DEFB114: variants seen among roughly 807,000 people sequenced by gnomAD.
DEFB114 encodes the protein defensin beta 114, also known as beta-defensin 114.
In DEFB114, 4 loss-of-function variants were observed where a neutral mutation model predicts 2.4. The ratio of observed to expected loss-of-function variants is 1.67; its 90% CI spans 0.82 to 3.82. The LOEUF (loss-of-function observed/expected upper bound fraction) is 3.82, where lower values mean the gene tolerates loss of function less well. DEFB114 is among the 30% of genes most tolerant of loss of function. The pLI is 0.01. For synonymous variants in DEFB114, 35 were observed against 24.6 expected (o/e 1.42, Z -1.26); for missense variants, 113 against 85.8 (o/e 1.32, Z -1.25).
At chr6:49,962,060 T>C (rs1452670426) in intron 1 of DEFB114, among the ~76,000 whole-genome samples, 1 of 150,488 alleles carries the variant, frequency 6.6e-6, no homozygotes, top group Non-Finnish European at 1.5e-5. Context: ...AATACTTTTG[T>C]ACTTGACTCT....
At chr6:49,961,239 A>G (rs1448900842) in intron 1 of DEFB114, among the ~76,000 whole-genome samples, 2 of 150,802 alleles carry the variant, frequency 1.3e-5, no homozygotes, top group Non-Finnish European at 3.0e-5. Context: ...GCAGAAATGT[A>G]CAAAAATAAT....
rs1202230630 is a variant in DEFB114 at position 49,961,855 on chromosome 6, A to G, written c.56-1409T>C. 8.0e-5 allele frequency among the ~76,000 whole-genome samples: 12 copies of G among 150,750 alleles called. 1 individual carries two copies. The highest frequency in any genetic ancestry group is 1.8e-4 in the Non-Finnish European group (12 of 67,086). On this transcript the variant is annotated intron_variant, in intron 1 of 1. Coordinates refer to ENST00000322066, the MANE Select transcript of DEFB114 (RefSeq NM_001037499.2). ...TTAAGCCTGCTCATTTTAAAGCTTT[A>G]TGTGAATGCAACAGTACAGCACATA...
chr6:49,963,941 T>C (rs773585958), intron 1 of DEFB114, 110 bp downstream of exon 1: 318 of 781,398 alleles, frequency 4.1e-4, no homozygotes, highest in Non-Finnish European at 5.9e-4. Context: ...TAAAGACACT[T>C]ATTTAATTGA....
At chr6:49,960,720 A>G (rs1773444626) in intron 1 of DEFB114, among the ~76,000 whole-genome samples, 1 of 150,844 alleles carries the variant, frequency 6.6e-6, no homozygotes, top group South Asian at 2.1e-4. Flanking sequence ...TCAAAAAAAA[A>G]TTCAAGATAT....
At chr6:49,962,836 G>T (rs940816983) in intron 1 of DEFB114, among the ~76,000 whole-genome samples, 5 of 149,992 alleles carry the variant, frequency 3.3e-5, no homozygotes, top group Non-Finnish European at 7.5e-5. Flanking sequence ...TTATTACGTT[G>T]TTCTGTAGTG....
intron 1 of DEFB114, 43 bp downstream of exon 1, chr6:49,964,007 TA>T: frequency 7.4e-7 from 1 of 1,356,930 alleles, no homozygotes; most frequent in Non-Finnish European, 1.0e-6. Flanking sequence ...TTTCTATTTC[TA>T]GTGAGAAGTT....
chr6:49,960,960 T>A (rs1030113957), intron 1 of DEFB114, among the ~76,000 whole-genome samples: 3 of 151,010 alleles, frequency 2.0e-5, no homozygotes, highest in South Asian at 2.1e-4. Context: ...TATGTCTTTA[T>A]TTATGTTGAA....
intron 1 of DEFB114, among the ~76,000 whole-genome samples, chr6:49,963,647 T>C (rs1284391705): frequency 6.7e-6 from 1 of 150,052 alleles, no homozygotes; most frequent in Non-Finnish European, 1.5e-5. Flanking sequence ...GATCATCTTA[T>C]AGATTCTGTT....
intron 1 of DEFB114, among the ~76,000 whole-genome samples, chr6:49,961,554 A>G (rs2113912055): frequency 6.6e-6 from 1 of 150,974 alleles, no homozygotes; most frequent in Middle Eastern, 3.4e-3. Context: ...TTTGAAACAG[A>G]AACAGCTTAG....
rs1441385649 is a variant in DEFB114 at position 49,960,304 on chromosome 6, ATCT to A, written c.195_197del (p.Glu65del). 1 of 1,604,330 alleles carries A rather than the reference ATCT, an allele frequency of 6.2e-7. No individual in the cohort carries two copies. The highest frequency in any genetic ancestry group is 8.5e-7 in the Non-Finnish European group (1 of 1,174,676). On this transcript the variant is annotated inframe_deletion, in exon 2 of 2. Transcript: ENST00000322066. ...TATGCCTTTCTTTTCAAAACATATCATCTTCTTCATACAATTTCTCAGTGCAGC... is the reference window on the plus strand; with the variant it reads ...TATGCCTTTCTTTTCAAAACATATCATCTTCATACAATTTCTCAGTGCAGC...
intron 1 of DEFB114, 100 bp downstream of exon 1, chr6:49,963,951 A>T: frequency 3.5e-6 from 3 of 848,294 alleles, no homozygotes; most frequent in Middle Eastern, 3.4e-4. Context: ...TATTTAATTG[A>T]TAAGATTGCA....
intron 1 of DEFB114, among the ~76,000 whole-genome samples, chr6:49,961,066 A>T (rs1284161393): frequency 3.3e-5 from 5 of 150,764 alleles, no homozygotes; most frequent in Non-Finnish European, 7.4e-5. Context: ...TTTTAAAAAT[A>T]TATTGTGGAT....
At chr6:49,961,508 G>C (rs913543862) in intron 1 of DEFB114, among the ~76,000 whole-genome samples, 1 of 150,666 alleles carries the variant, frequency 6.6e-6, no homozygotes, top group African/African-American at 2.4e-5. Context: ...ATCTCTTTCA[G>C]CTATCAATTG....
In DEFB114 at chr6:49,963,952, T is replaced by C. The variant is rs994927777; in HGVS notation, c.55+99A>G. On this transcript the variant is annotated intron_variant, in intron 1 of 1. Coordinates refer to ENST00000322066, the MANE Select transcript of DEFB114 (RefSeq NM_001037499.2). ...ATAATAAAGACACTTATTTAATTGATAAGATTGCATTAAAAATTTGCATTC... is the reference window on the plus strand; with the variant it reads ...ATAATAAAGACACTTATTTAATTGACAAGATTGCATTAAAAATTTGCATTC... 4.7e-6 allele frequency: 4 copies of C among 853,886 alleles called. No individual in the cohort carries two copies. The Admixed American group carries it at 7.9e-5, about 17-fold the overall frequency. 52.9% of individuals were successfully genotyped at this position (853,886 alleles called of 1,614,324 possible).
In DEFB114 at chr6:49,962,124, A is replaced by G. The variant is rs557283350; in HGVS notation, c.56-1678T>C. Among the ~76,000 whole-genome samples the G allele has an allele frequency of 1.3e-3, 191 of 150,694 alleles. 1 individual carries two copies. The highest frequency in any genetic ancestry group is 6.8e-3 in the Middle Eastern group (2 of 294). ...GGCATATCCCTAAGGGTGAAATACA[A>G]TGGTAAGGTGTCTACATAGCTTCAA... On this transcript the variant is annotated intron_variant, in intron 1 of 1. Transcript: ENST00000322066.
intron 1 of DEFB114, among the ~76,000 whole-genome samples, chr6:49,960,898 G>T (rs1334840820): frequency 6.6e-6 from 1 of 150,402 alleles, no homozygotes; most frequent in East Asian, 1.9e-4. Flanking sequence ...TTAGAGTTTT[G>T]GTACTGCCAC....
intron 1 of DEFB114, among the ~76,000 whole-genome samples, chr6:49,963,266 T>A (rs1339081666): frequency 1.3e-5 from 2 of 150,242 alleles, no homozygotes; most frequent in African/African-American, 4.8e-5. Context: ...ATGATCTTTT[T>A]GATATCTGTA....
chr6:49,964,132 T>C lies in DEFB114; in HGVS notation c.-27A>G. 6.5e-7 allele frequency: 1 copy of C among 1,527,550 alleles called. No homozygotes were observed. Among genetic ancestry groups the C allele is most frequent in the Non-Finnish European group, 9.0e-7 (1 of 1,116,700 alleles). The allele number at this position is 1,527,550 out of a possible 1,614,324, so 94.6% of individuals were successfully genotyped here. A position where few individuals can be genotyped will look rare whatever the true frequency, so the allele number is the denominator to read the frequency against. On this transcript the variant is annotated 5_prime_UTR_variant, in exon 1 of 2. Coordinates refer to ENST00000322066, the MANE Select transcript of DEFB114 (RefSeq NM_001037499.2). ...CTGTAGAAAGAAGTTGTTGAAAGAC[T>C]TGATAACAGAATATAGAGACTATAG...
chr6:49,963,626 A>G (rs1271358553), intron 1 of DEFB114, among the ~76,000 whole-genome samples: 1 of 149,954 alleles, frequency 6.7e-6, no homozygotes, highest in African/African-American at 2.4e-5. Context: ...AATATTTTCT[A>G]ATATCCATTT....
Sources: gnomAD v4.1 joint callset for allele counts (sites outside exome capture counted in the v4.1 genomes callset) on GRCh38, gnomAD v4.1.1 for gene constraint, MANE v1.5 for transcripts, NCBI Gene and HGNC (gene_info 2026-07-23, HGNC 2026-07-21) for gene names.